UBR1: variants seen among roughly 807,000 people sequenced by gnomAD.
UBR1 encodes E3 ubiquitin-protein ligase UBR1.
In UBR1, 102 loss-of-function variants were observed where a neutral mutation model predicts 242.1. That is an observed-to-expected ratio of 0.42 (90% CI 0.36 to 0.50). The LOEUF is 0.50. Among genes scored for constraint, UBR1 ranks in the 20% least tolerant of loss-of-function variants. UBR1 has a pLI of 0.01. For synonymous variants in UBR1, 675 were observed against 684.8 expected, an observed-to-expected ratio of 0.99 and a Z score of 0.22; for missense variants, 1,772 against 2,101.8, an observed-to-expected ratio of 0.84 and a Z score of 3.07.
At position 43,015,875 on chromosome 15, in the gene UBR1, T is replaced by C; in HGVS notation, c.3028-6A>G. 1 of 1,613,512 alleles carries C rather than the reference T, an allele frequency of 6.2e-7. No homozygotes were observed. The highest frequency in any genetic ancestry group is 8.5e-7 in the Non-Finnish European group (1 of 1,179,794). On this transcript the variant is annotated splice_polypyrimidine_tract_variant and splice_region_variant and intron_variant, in intron 28 of 46. Transcript: ENST00000290650. ...TTTTCTTTATCATGAGTAATCTGGG[T>C]ATTAAGAAATGACAAATTTAGGTAA...
intron 20 of UBR1, 111 bp from the exon 21 acceptor site, chr15:43,030,179 A>T (rs990819397): frequency 2.4e-5 from 29 of 1,219,548 alleles, no homozygotes; most frequent in Non-Finnish European, 3.4e-5. Flanking sequence ...TAAATCTGTG[A>T]GAGAGGGGCA....
rs779992612 is a variant in UBR1, at chr15:43,002,507, A to G, written c.3659+48T>C. 1.9e-6 allele frequency: 3 copies of G among 1,589,738 alleles called. No individual in the cohort carries two copies. The Admixed American group carries it at 5.1e-5, about 27-fold the overall frequency. ...AAGTGCTGGGATCACAGGCCACTGC[A>G]CCTGGCCAACTTTTAAAAAATTAAC... On this transcript the variant is annotated intron_variant, in intron 32 of 46. Coordinates refer to ENST00000290650, the MANE Select transcript of UBR1 (RefSeq NM_174916.3).
intron 33 of UBR1, among the ~76,000 whole-genome samples, chr15:42,994,358 G>C (rs1297132612): frequency 7.8e-6 from 1 of 128,914 alleles, no homozygotes; most frequent in Admixed American, 9.2e-5. Flanking sequence ...GATCAGCCTG[G>C]GCAACACAGC....
chr15:43,035,971 C>T (rs1037955663), intron 19 of UBR1, among the ~76,000 whole-genome samples: 1 of 151,546 alleles, frequency 6.6e-6, no homozygotes. Flanking sequence ...GGAGATATAC[C>T]TAATGCTAGA....
intron 43 of UBR1, among the ~76,000 whole-genome samples, chr15:42,959,876 T>G (rs1292499161): frequency 6.6e-6 from 1 of 152,208 alleles, no homozygotes; most frequent in Non-Finnish European, 1.5e-5. Flanking sequence ...GCGGCAAATG[T>G]GCACTGTCTT....
intron 37 of UBR1, among the ~76,000 whole-genome samples, chr15:42,982,677 GAA>G (rs148412102): frequency 6.6e-6 from 1 of 152,050 alleles, no homozygotes; most frequent in Non-Finnish European, 1.5e-5. Context: ...GATTGACAAG[GAA>G]AAACACTATT....
At chr15:43,069,278 A>G (rs2141345583) in intron 5 of UBR1, among the ~76,000 whole-genome samples, 1 of 151,648 alleles carries the variant, frequency 6.6e-6, no homozygotes. Context: ...ATATGTGTTC[A>G]GTATTTTTTT....
intron 29 of UBR1, among the ~76,000 whole-genome samples, chr15:43,009,609 C>A (rs990832677): frequency 1.3e-5 from 2 of 152,212 alleles, no homozygotes; most frequent in Non-Finnish European, 2.9e-5. Context: ...CCTAAGGATC[C>A]TGTGATACTT....
Position 43,028,264 on chromosome 15 carries a change from TCTAGATGTC to T in UBR1, c.2380-445_2380-437del, listed in dbSNP as rs2033202516. On this transcript the variant is annotated intron_variant, in intron 21 of 46. Transcript: ENST00000290650. The stretch of plus-strand genomic sequence containing the variant: ...ACTAGTTAATCTATAGCAATACATG[TCTAGATGTC>T]CTAATATATTCTACCTTTTGCAAGT... Among the ~76,000 whole-genome samples the T allele has an allele frequency of 7.2e-5, 11 of 152,310 alleles. No homozygotes were observed. The South Asian group carries it at 2.3e-3, about 32-fold the overall frequency.
chr15:43,008,663 C>T (rs112937698), intron 29 of UBR1, among the ~76,000 whole-genome samples: 15 of 152,360 alleles, frequency 9.8e-5, no homozygotes, highest in African/African-American at 3.6e-4. Flanking sequence ...CAGGTGGAAT[C>T]CACAGCCTGG....
At chr15:43,024,804 G>C (rs2033157939) in intron 25 of UBR1, 25 bp downstream of exon 25, 2 of 1,613,930 alleles carry the variant, frequency 1.2e-6, no homozygotes, top group African/African-American at 2.7e-5. Context: ...ACTTGATGTA[G>C]AGAAAATATT....
chr15:43,011,096 A>G (rs1397843295), intron 29 of UBR1, among the ~76,000 whole-genome samples: 1 of 151,998 alleles, frequency 6.6e-6, no homozygotes, highest in African/African-American at 2.4e-5. Context: ...ACTTGAGCCC[A>G]GGAGTTTGAG....
At chr15:43,076,233 C>T (rs1313266004) in intron 3 of UBR1, among the ~76,000 whole-genome samples, 5 of 152,040 alleles carry the variant, frequency 3.3e-5, no homozygotes, top group African/African-American at 7.2e-5. Context: ...CCGCCAGCCT[C>T]GGCCTCCCGA....
chr15:42,961,682 C>T (rs2032022845), intron 42 of UBR1, among the ~76,000 whole-genome samples: 1 of 151,872 alleles, frequency 6.6e-6, no homozygotes, highest in Non-Finnish European at 1.5e-5. Context: ...ATTTGCCCAC[C>T]TCGGCCTCCC....
rs150915576 is a variant in UBR1 at position 43,023,522 on chromosome 15, G to A, written c.2740-721C>T. On this transcript the variant is annotated intron_variant, in intron 25 of 46. Transcript: ENST00000290650. The stretch of plus-strand genomic sequence containing the variant: ...AGGAGAATCGCTTGAACCCAGAGGC[G>A]GAAGTTGCAGTGAGCCAAGATTGTG... 3.9e-3 allele frequency among the ~76,000 whole-genome samples: 571 copies of A among 147,674 alleles called. 4 individuals carry two copies. The highest frequency in any genetic ancestry group is 0.014 in the African/African-American group (547 of 39,730).
intron 44 of UBR1, among the ~76,000 whole-genome samples, chr15:42,954,741 G>A (rs929021406): frequency 2.0e-5 from 3 of 151,860 alleles, no homozygotes; most frequent in Non-Finnish European, 4.4e-5. Flanking sequence ...AATTTTTTTT[G>A]TATTTTTAGT....
chr15:42,986,305 T>C (rs568914871), intron 35 of UBR1, among the ~76,000 whole-genome samples: 3 of 152,314 alleles, frequency 2.0e-5, no homozygotes, highest in African/African-American at 4.8e-5. Flanking sequence ...GCCTGCTTGA[T>C]AGAAAAAGCA....
chr15:43,091,856 C>T (rs570600952), intron 1 of UBR1: 55 of 303,248 alleles, frequency 1.8e-4, no homozygotes, highest in African/African-American at 1.3e-3. Flanking sequence ...CACTTGAACC[C>T]GGGAGGTGGA....
chr15:43,054,302 G>C (rs903482752), intron 12 of UBR1, among the ~76,000 whole-genome samples: 1 of 151,888 alleles, frequency 6.6e-6, no homozygotes, highest in African/African-American at 2.4e-5. Context: ...AGTGAGCCAT[G>C]TTTGCATCAC....
Sources: gnomAD v4.1 joint callset for allele counts (sites outside exome capture counted in the v4.1 genomes callset) on GRCh38, gnomAD v4.1.1 for gene constraint, MANE v1.5 for transcripts, NCBI Gene and HGNC (gene_info 2026-07-23, HGNC 2026-07-21) for gene names.